Variants in CADM2 observed in about 807,000 individuals in gnomAD.
The protein encoded by CADM2 is immunoglobulin superfamily member 4D.
A neutral mutation model predicts 49.8 loss-of-function variants in CADM2; 12 were observed. That is an observed-to-expected ratio of 0.24 (90% CI 0.15 to 0.39). The LOEUF (loss-of-function observed/expected upper bound fraction) is 0.39. Ranked by LOEUF, CADM2 falls within the 10% of genes least tolerant of loss-of-function variation. The pLI, the probability that CADM2 is intolerant of heterozygous loss-of-function variation, is 1.00. For synonymous variants in CADM2, 214 were observed against 175.4 expected (o/e 1.22, Z -1.74); for missense variants, 378 against 492.3 (o/e 0.77, Z 2.20).
At chr3:85,401,218 C>CT (rs1281779134) in intron 1 of CADM2, among the ~76,000 whole-genome samples, 1 of 152,178 alleles carries the variant, frequency 6.6e-6, no homozygotes, top group Admixed American at 6.5e-5. Context: ...GATCCGTGGA[C>CT]TGGCCTCAGC....
At chr3:85,402,794 T>C (rs1397100141) in intron 1 of CADM2, among the ~76,000 whole-genome samples, 1 of 152,158 alleles carries the variant, frequency 6.6e-6, no homozygotes, top group Non-Finnish European at 1.5e-5. Flanking sequence ...TTTGTCACCA[T>C]GAATTTTATA....
chr3:85,237,425 G>T (rs549448039), intron 1 of CADM2, among the ~76,000 whole-genome samples: 1 of 151,380 alleles, frequency 6.6e-6, no homozygotes, highest in Non-Finnish European at 1.5e-5. Context: ...AAGATATGGC[G>T]ATGTTTGTCT....
At chr3:85,447,791 T>A (rs370094254) in intron 1 of CADM2, among the ~76,000 whole-genome samples, 10 of 152,282 alleles carry the variant, frequency 6.6e-5, no homozygotes, top group East Asian at 5.8e-4. Flanking sequence ...AGAGATGAGA[T>A]GAATACATTA....
chr3:85,551,370 G>A (rs1312187791), intron 1 of CADM2, among the ~76,000 whole-genome samples: 1 of 152,086 alleles, frequency 6.6e-6, no homozygotes, highest in Non-Finnish European at 1.5e-5. Flanking sequence ...GTCTCTTAAA[G>A]CCTGTATTGC....
chr3:85,440,366 C>A (rs767129012), intron 1 of CADM2, among the ~76,000 whole-genome samples: 3 of 152,150 alleles, frequency 2.0e-5, no homozygotes, highest in Non-Finnish European at 4.4e-5. Context: ...CCTTAGGTTT[C>A]CGACTGTAAA....
intron 1 of CADM2, among the ~76,000 whole-genome samples, chr3:85,557,441 T>C (rs1002461001): frequency 1.1e-4 from 16 of 151,282 alleles, no homozygotes; most frequent in Non-Finnish European, 2.4e-4. Flanking sequence ...TTTTTTCCTG[T>C]TGATTTTCTT....
Position 85,256,497 on chromosome 3 carries a change from C to G in CADM2, c.61+296829C>G, listed in dbSNP as rs531185149. 3.3e-5 allele frequency among the ~76,000 whole-genome samples: 5 copies of G among 152,204 alleles called. No homozygotes were observed. The South Asian group carries it at 1.0e-3, about 32-fold the overall frequency. On this transcript the variant is annotated intron_variant, in intron 1 of 9. Transcript: ENST00000383699. ...ACAACTCTGAGGCCAAAGGGCGAAG[C>G]TAAACCAATAGAAAATGAATTTATT...
intron 1 of CADM2, among the ~76,000 whole-genome samples, chr3:85,704,662 T>G (rs2066882521): frequency 6.6e-6 from 1 of 152,086 alleles, no homozygotes; most frequent in South Asian, 2.1e-4. Flanking sequence ...GTTTAGGATT[T>G]CAACATATGA....
At chr3:85,696,430 A>T (rs981821588) in intron 1 of CADM2, among the ~76,000 whole-genome samples, 8 of 151,786 alleles carry the variant, frequency 5.3e-5, no homozygotes, top group African/African-American at 1.5e-4. Context: ...ATCCACCTTG[A>T]GTTAATTTTT....
intron 1 of CADM2, among the ~76,000 whole-genome samples, chr3:85,514,479 A>C (rs1340146131): frequency 4.6e-5 from 7 of 152,164 alleles, no homozygotes; most frequent in African/African-American, 1.7e-4. Context: ...TGTAAGCAAA[A>C]ATGTGTTTGT....
intron 1 of CADM2, among the ~76,000 whole-genome samples, chr3:85,311,474 C>A (rs1009391507): frequency 6.6e-6 from 1 of 151,788 alleles, no homozygotes. Context: ...CTCCCGGGTT[C>A]ATGCCATTCT....
In CADM2 at chr3:85,343,228, G is replaced by C. The variant is rs1225604721; in HGVS notation, c.62-383294G>C. Among the ~76,000 whole-genome samples the C allele has an allele frequency of 1.5e-4, 23 of 152,124 alleles. 1 individual carries two copies. The highest frequency in any genetic ancestry group is 1.4e-3 in the Admixed American group (22 of 15,272). On this transcript the variant is annotated intron_variant, in intron 1 of 9. Transcript: ENST00000383699. ...GGCAACATAGAGAAAACCTGTACAT[G>C]ATGGTACATAATAATTCATTTTATC... is the stretch of plus-strand genomic sequence containing the variant.
At chr3:86,048,464 T>C (rs564997763) in intron 8 of CADM2, among the ~76,000 whole-genome samples, 26 of 152,160 alleles carry the variant, frequency 1.7e-4, no homozygotes, top group African/African-American at 6.0e-4. Flanking sequence ...ATTTTATTGC[T>C]TGATCAAAAT....
At chr3:85,789,299 G>A (rs1463124451) in intron 2 of CADM2, among the ~76,000 whole-genome samples, 2 of 152,094 alleles carry the variant, frequency 1.3e-5, no homozygotes, top group Non-Finnish European at 2.9e-5. Flanking sequence ...TTCTCTGGAA[G>A]GCTGCCTCTC....
At chr3:85,952,849 C>G (rs1480101425) in intron 7 of CADM2, among the ~76,000 whole-genome samples, 3 of 150,692 alleles carry the variant, frequency 2.0e-5, no homozygotes, top group Non-Finnish European at 4.5e-5. Flanking sequence ...TTGGATTTTC[C>G]CCAGATGTTT....
At chr3:85,507,914 C>T (rs1230640298) in intron 1 of CADM2, among the ~76,000 whole-genome samples, 1 of 96,422 alleles carries the variant, frequency 1.0e-5, no homozygotes, top group Admixed American at 1.3e-4. Flanking sequence ...TTACTGTTTA[C>T]CTGAGTTGTA....
chr3:85,860,626 G>T (rs2075492397), intron 3 of CADM2, among the ~76,000 whole-genome samples: 2 of 152,122 alleles, frequency 1.3e-5, no homozygotes, highest in Admixed American at 1.3e-4. Flanking sequence ...CTTGTGTAGA[G>T]AGGTAGAGAG....
chr3:84,970,977 G>A (rs534892357), intron 1 of CADM2, among the ~76,000 whole-genome samples: 2 of 152,082 alleles, frequency 1.3e-5, no homozygotes, highest in African/African-American at 4.8e-5. Context: ...TCATTATATT[G>A]AGGATATTCC....
At chr3:85,745,140 A>T (rs938311866) in intron 2 of CADM2, among the ~76,000 whole-genome samples, 2 of 152,014 alleles carry the variant, frequency 1.3e-5, no homozygotes, top group Non-Finnish European at 2.9e-5. Context: ...GCTTTGGCTG[A>T]TTGTTAAAAG....
Sources: gnomAD v4.1 joint callset for allele counts (sites outside exome capture counted in the v4.1 genomes callset) on GRCh38, gnomAD v4.1.1 for gene constraint, MANE v1.5 for transcripts, NCBI Gene and HGNC (gene_info 2026-07-23, HGNC 2026-07-21) for gene names.